The following FREM2 variants were observed in gnomAD, a reference collection of about 807,000 sequenced individuals.
FREM2 encodes FRAS1-related extracellular matrix protein 2.
FREM2 carries 119 observed loss-of-function variants against 219.9 expected under a neutral mutation model. The observed-to-expected ratio is 0.54, with a 90% CI of 0.47 to 0.63. The LOEUF (loss-of-function observed/expected upper bound fraction) is 0.63. FREM2 is among the 30% of genes least tolerant of loss of function. The pLI, the probability that FREM2 is intolerant of heterozygous loss-of-function variation, is 0.00. For synonymous variants in FREM2, 1,562 were observed against 1,522.8 expected, an observed-to-expected ratio of 1.03 and a Z score of -0.60; for missense variants, 4,030 against 3,993.6, an observed-to-expected ratio of 1.01 and a Z score of -0.25.
At chr13:38,750,609 G>C (rs1287835767) in intron 2 of FREM2, among the ~76,000 whole-genome samples, 2 of 152,132 alleles carry the variant, frequency 1.3e-5, no homozygotes, top group African/African-American at 4.8e-5. Flanking sequence ...TATCTCTTCA[G>C]TACACTGATT....
intron 17 of FREM2, 79 bp downstream of exon 17, chr13:38,873,013 C>A: frequency 1.7e-6 from 2 of 1,168,050 alleles, no homozygotes; most frequent in Non-Finnish European, 2.5e-6. Flanking sequence ...TTTGCCATTG[C>A]TAAAAGTAGT....
At chr13:38,754,235 T>C (rs2137797642) in intron 2 of FREM2, among the ~76,000 whole-genome samples, 1 of 152,280 alleles carries the variant, frequency 6.6e-6, no homozygotes, top group South Asian at 2.1e-4. Context: ...ATCTCAAATA[T>C]TTATTAACCG....
intron 6 of FREM2, among the ~76,000 whole-genome samples, chr13:38,813,577 A>ATATATATATG: frequency 1.0e-5 from 1 of 97,944 alleles, no homozygotes; most frequent in Non-Finnish European, 1.9e-5. Flanking sequence ...ATATATATAT[A>ATATATATATG]TATATATATA....
At chr13:38,816,067 T>G (rs763331067) in intron 6 of FREM2, among the ~76,000 whole-genome samples, 1 of 152,200 alleles carries the variant, frequency 6.6e-6, no homozygotes, top group Non-Finnish European at 1.5e-5. Context: ...CAGTAATGAC[T>G]GAGGACATTG....
At chr13:38,854,756 GA>G (rs1399438177) in intron 11 of FREM2, among the ~76,000 whole-genome samples, 2 of 151,768 alleles carry the variant, frequency 1.3e-5, no homozygotes, top group South Asian at 2.1e-4. Flanking sequence ...AAAAGAAAAA[GA>G]AAAAAATCTT....
intron 2 of FREM2, among the ~76,000 whole-genome samples, chr13:38,722,118 C>T (rs981915180): frequency 1.2e-4 from 18 of 151,854 alleles, no homozygotes; most frequent in Non-Finnish European, 1.0e-4. Flanking sequence ...CTCCTGGGCT[C>T]AAGAGATCTT....
chr13:38,817,032 AG>A (rs1875794490), intron 6 of FREM2, among the ~76,000 whole-genome samples: 1 of 152,130 alleles, frequency 6.6e-6, no homozygotes, highest in South Asian at 2.1e-4. Flanking sequence ...CTTTATACTG[AG>A]GCTATAAAAC....
At position 38,822,340 on chromosome 13, in the gene FREM2, TTTC is replaced by T. The variant is rs1235960384; in HGVS notation, c.6020-24230_6020-24228del. On this transcript the variant is annotated intron_variant, in intron 6 of 23. Coordinates refer to ENST00000280481, the MANE Select transcript of FREM2 (RefSeq NM_207361.6). The stretch of plus-strand genomic sequence containing the variant: ...CAAAATGCCAACAAGGAGCCCATTC[TTTC>T]TTTCTTTTTTTTTTTTTTTTTTTTT... Among the ~76,000 whole-genome samples the T allele has an allele frequency of 1.5e-4, 22 of 148,052 alleles. 1 individual carries two copies. In the South Asian group the frequency reaches 4.6e-3, roughly 31 times the overall value.
chr13:38,733,062 C>T (rs1871830612), intron 2 of FREM2, among the ~76,000 whole-genome samples: 1 of 152,028 alleles, frequency 6.6e-6, no homozygotes, highest in African/African-American at 2.4e-5. Context: ...GGGATGGTAG[C>T]AGATGATAGT....
In FREM2 at chr13:38,885,869, G is replaced by T. The variant is rs1418786839; in HGVS notation, c.*5082G>T. On this transcript the variant is annotated 3_prime_UTR_variant, in exon 24 of 24. Coordinates refer to ENST00000280481, the MANE Select transcript of FREM2 (RefSeq NM_207361.6). The stretch of plus-strand genomic sequence containing the variant: ...ATAATAAGTCAAATATCACATGTAT[G>T]TAGTTCTTTTGGATGACCGAATACC... 6.6e-6 allele frequency: 1 copy of T among 152,188 alleles called. No homozygotes were observed. The highest frequency in any genetic ancestry group is 1.5e-5 in the Non-Finnish European group (1 of 68,026). 9.4% of individuals were successfully genotyped at this position (152,188 alleles called of 1,614,324 possible). A position where few individuals can be genotyped will look rare whatever the true frequency, so the allele number is the denominator to read the frequency against.
chr13:38,854,178 A>G (rs1488942951), intron 11 of FREM2, among the ~76,000 whole-genome samples: 1 of 151,674 alleles, frequency 6.6e-6, no homozygotes, highest in Non-Finnish European at 1.5e-5. Flanking sequence ...TCATGCTAAA[A>G]TAGTCTAAAG....
At chr13:38,835,533 G>T (rs1876674806) in intron 6 of FREM2, among the ~76,000 whole-genome samples, 2 of 152,168 alleles carry the variant, frequency 1.3e-5, no homozygotes, top group Non-Finnish European at 2.9e-5. Flanking sequence ...AATTACTTTG[G>T]GCAGTATGCC....
chr13:38,841,880 T>C (rs12864816), intron 6 of FREM2, among the ~76,000 whole-genome samples: 21,614 of 152,242 alleles, frequency 0.14, 1,770 homozygotes, highest in Admixed American at 0.24. Context: ...AAGTTACCAG[T>C]GAATAGAGGA....
At chr13:38,767,903 CAG>C (rs1295280245) in intron 3 of FREM2, among the ~76,000 whole-genome samples, 3 of 152,126 alleles carry the variant, frequency 2.0e-5, no homozygotes, top group Admixed American at 6.6e-5. Context: ...ATCTGTAAGA[CAG>C]AAATATTTTT....
chr13:38,699,039 CCTT>C (rs925656771), intron 2 of FREM2, among the ~76,000 whole-genome samples: 3 of 152,086 alleles, frequency 2.0e-5, no homozygotes, highest in African/African-American at 4.8e-5. Flanking sequence ...ATAAAAAAAA[CCTT>C]CTTGAATTTT....
intron 4 of FREM2, among the ~76,000 whole-genome samples, chr13:38,780,504 G>T (rs756127440): frequency 2.0e-5 from 3 of 152,102 alleles, no homozygotes; most frequent in Non-Finnish European, 4.4e-5. Flanking sequence ...CTTAGACCTG[G>T]TGTCTCTTTA....
At chr13:38,860,208 G>A (rs1375793912) in intron 14 of FREM2, among the ~76,000 whole-genome samples, 1 of 152,080 alleles carries the variant, frequency 6.6e-6, no homozygotes, top group African/African-American at 2.4e-5. Flanking sequence ...ATTTTGCTGG[G>A]GACGGGAGGG....
At position 38,878,197 on chromosome 13, in the gene FREM2, G is replaced by A. The variant is rs1878412810; in HGVS notation, c.8735G>A (p.Cys2912Tyr). ...PVQNLGDSFY[C>Y]SIEKVFLCTG... ...CAGAATCTGGGTGACTCCTTTTACT[G>A]CAGCATTGAGAAGGTGTTTCTATGC... Residue 2912 changes from cysteine (C) to tyrosine (Y), a missense_variant, in exon 22 of 24, where the codon TGC becomes TAC. Coordinates refer to ENST00000280481, the MANE Select transcript of FREM2 (RefSeq NM_207361.6). 2 of 1,613,364 alleles carry A rather than the reference G, an allele frequency of 1.2e-6. No homozygotes were observed. Among genetic ancestry groups the A allele is most frequent in the African/African-American group, 2.7e-5 (2 of 74,834 alleles).
chr13:38,800,190 C>T (rs1449331573), intron 6 of FREM2, among the ~76,000 whole-genome samples: 1 of 151,934 alleles, frequency 6.6e-6, no homozygotes, highest in Non-Finnish European at 1.5e-5. Context: ...TGGTGAAAGT[C>T]GTCTTTTCAC....
Sources: gnomAD v4.1 joint callset for allele counts (sites outside exome capture counted in the v4.1 genomes callset) on GRCh38, gnomAD v4.1.1 for gene constraint, MANE v1.5 for transcripts, NCBI Gene and HGNC (gene_info 2026-07-23, HGNC 2026-07-21) for gene names.